The following CHN2 variants were observed in gnomAD, a reference collection of about 807,000 sequenced individuals.
CHN2 encodes beta-chimaerin.
A neutral mutation model predicts 56.3 loss-of-function variants in CHN2; 35 were observed. The ratio of observed to expected loss-of-function variants is 0.62; its 90% confidence interval spans 0.47 to 0.82. The LOEUF (loss-of-function observed/expected upper bound fraction) is 0.82. Among genes scored for constraint, CHN2 ranks in the 40% least tolerant of loss-of-function variants. The pLI is 0.00. For missense variants in CHN2, 491 were observed against 580.5 expected (o/e 0.85, Z 1.58); for synonymous variants, 210 against 212.8 (o/e 0.99, Z 0.12).
intron 1 of CHN2, among the ~76,000 whole-genome samples, chr7:29,237,935 TTG>T (rs1255614309): frequency 6.6e-6 from 1 of 152,054 alleles, no homozygotes; most frequent in Non-Finnish European, 1.5e-5. Flanking sequence ...CGGCACAGCA[TTG>T]TGTTATGTGG....
chr7:29,487,013 A>G (rs1363668104), intron 7 of CHN2, among the ~76,000 whole-genome samples: 1 of 152,032 alleles, frequency 6.6e-6, no homozygotes, highest in Non-Finnish European at 1.5e-5. Context: ...TGACCTCATA[A>G]AAGTGTGTCA....
At chr7:29,508,369 G>A (rs933421913) in intron 11 of CHN2, among the ~76,000 whole-genome samples, 1 of 150,700 alleles carries the variant, frequency 6.6e-6, no homozygotes, top group Non-Finnish European at 1.5e-5. Flanking sequence ...CGGAAGTCAA[G>A]CTCACTTTGA....
chr7:29,505,359 T>A (rs1790449500), intron 10 of CHN2, among the ~76,000 whole-genome samples: 2 of 152,072 alleles, frequency 1.3e-5, no homozygotes. Context: ...TAATAAGCAA[T>A]CCAAATAATT....
At chr7:29,422,448 G>A (rs1804442670) in intron 6 of CHN2, among the ~76,000 whole-genome samples, 1 of 152,170 alleles carries the variant, frequency 6.6e-6, no homozygotes, top group Middle Eastern at 3.2e-3. Flanking sequence ...GCATGATCAA[G>A]GTCAAATTTT....
At chr7:29,494,123 C>G (rs554091171) in intron 7 of CHN2, among the ~76,000 whole-genome samples, 1 of 152,282 alleles carries the variant, frequency 6.6e-6, no homozygotes, top group African/African-American at 2.4e-5. Flanking sequence ...GATCTCTGTC[C>G]CTTTCTCTTT....
intron 2 of CHN2, among the ~76,000 whole-genome samples, chr7:29,161,125 T>C (rs1795116168): frequency 6.6e-6 from 1 of 152,166 alleles, no homozygotes; most frequent in Non-Finnish European, 1.5e-5. Context: ...ACCTTATCTA[T>C]GATGAGCAAG....
intron 2 of CHN2, among the ~76,000 whole-genome samples, chr7:29,150,244 T>G (rs1174592771): frequency 6.6e-6 from 1 of 152,212 alleles, no homozygotes; most frequent in Non-Finnish European, 1.5e-5. Flanking sequence ...AGTTACTTAA[T>G]CTCAGTTTTC....
chr7:29,446,975 C>T (rs1441969943), intron 6 of CHN2, among the ~76,000 whole-genome samples: 1 of 152,110 alleles, frequency 6.6e-6, no homozygotes, highest in Non-Finnish European at 1.5e-5. Flanking sequence ...AAGCAAGACA[C>T]AAAAGGGTCA....
At chr7:29,159,433 T>A (rs1183368697) in intron 2 of CHN2, among the ~76,000 whole-genome samples, 6 of 152,224 alleles carry the variant, frequency 3.9e-5, no homozygotes, top group Non-Finnish European at 8.8e-5. Flanking sequence ...ATTGGAAAAC[T>A]ATCTGCCTTG....
intron 2 of CHN2, among the ~76,000 whole-genome samples, chr7:29,366,478 G>A (rs1169669351): frequency 2.6e-5 from 4 of 152,192 alleles, no homozygotes; most frequent in Non-Finnish European, 4.4e-5. Context: ...TGAACAGTAG[G>A]TGCCAATTGG....
chr7:29,401,402 G>T (rs73687410), intron 6 of CHN2: 14,071 of 151,246 alleles, frequency 0.093, 726 homozygotes, highest in East Asian at 0.18. Context: ...TTTGGAGTTT[G>T]AAAGAAAAAA....
intron 1 of CHN2, among the ~76,000 whole-genome samples, chr7:29,314,253 C>A (rs1453829491): frequency 6.6e-6 from 1 of 152,086 alleles, no homozygotes; most frequent in Non-Finnish European, 1.5e-5. Context: ...CATGGATGAA[C>A]CTTGAGGCCA....
intron 1 of CHN2, chr7:29,288,742 A>G (rs532077477): frequency 6.6e-6 from 1 of 152,410 alleles, no homozygotes; most frequent in Admixed American, 6.5e-5. Context: ...GACAAAGCAA[A>G]TAAGTAGAAC....
At chr7:29,174,140 G>T (rs245910) in intron 2 of CHN2, among the ~76,000 whole-genome samples, 2 of 151,758 alleles carry the variant, frequency 1.3e-5, no homozygotes, top group Admixed American at 1.3e-4. Flanking sequence ...AGACCCCCCC[G>T]TTTGGTGGCA....
rs555839702 is a variant in CHN2, at chr7:29,345,821, C to A, written c.50-8804C>A. On this transcript the variant is annotated intron_variant, in intron 1 of 12. Transcript: ENST00000222792. The stretch of plus-strand genomic sequence containing the variant: ...CGGTGCCCTCTAGTGACCACAGGCT[C>A]CAGCCCAAGGCCCTCCATGGCTTCA... Among the ~76,000 whole-genome samples the A allele has an allele frequency of 3.9e-5, 6 of 152,214 alleles. No individual in the cohort carries two copies. The East Asian group carries it at 9.7e-4, about 25-fold the overall frequency.
chr7:29,306,296 C>T (rs528741019), intron 1 of CHN2, among the ~76,000 whole-genome samples: 21 of 152,282 alleles, frequency 1.4e-4, no homozygotes, highest in African/African-American at 5.1e-4. Flanking sequence ...AGATTAAAAA[C>T]TGCAGTCAAG....
chr7:29,384,568 T>G (rs1386194435), intron 3 of CHN2, among the ~76,000 whole-genome samples: 1 of 152,116 alleles, frequency 6.6e-6, no homozygotes, highest in African/African-American at 2.4e-5. Flanking sequence ...CTGAACTGGG[T>G]GAAGATCAGA....
intron 12 of CHN2, among the ~76,000 whole-genome samples, chr7:29,510,864 G>C (rs1487441030): frequency 6.6e-6 from 1 of 152,292 alleles, no homozygotes; most frequent in East Asian, 1.9e-4. Context: ...AGCTGTCTGC[G>C]TGAGTGTGTG....
intron 1 of CHN2, among the ~76,000 whole-genome samples, chr7:29,288,330 G>A (rs1275495556): frequency 6.6e-6 from 1 of 152,080 alleles, no homozygotes; most frequent in Non-Finnish European, 1.5e-5. Context: ...GTGTGTAAGA[G>A]CTTTCTTAAG....
Sources: gnomAD v4.1 joint callset for allele counts (sites outside exome capture counted in the v4.1 genomes callset) on GRCh38, gnomAD v4.1.1 for gene constraint, MANE v1.5 for transcripts, NCBI Gene and HGNC (gene_info 2026-07-23, HGNC 2026-07-21) for gene names.